FOXN3: variants seen among roughly 807,000 people sequenced by gnomAD.
FOXN3 encodes forkhead box N3.
In FOXN3, 7 loss-of-function variants were observed where a neutral mutation model predicts 38.4. The observed-to-expected ratio is 0.18, with a 90% confidence interval of 0.10 to 0.34. FOXN3 has a LOEUF of 0.34. FOXN3 is among the 10% of genes least tolerant of loss of function. The pLI is 1.00. For missense variants in FOXN3, 456 were observed against 613.4 expected (o/e 0.74, Z 2.71); for synonymous variants, 230 against 242.2 (o/e 0.95, Z 0.47).
At position 89,530,080 on chromosome 14, in the gene FOXN3, C is replaced by A. The variant is rs532609550; in HGVS notation, c.-15+88948G>T. ...TCAGCCTCCTGAGTAGCTAGGATTA[C>A]AGGTGTGTGCCACCACGCCTGGCTA... On this transcript the variant is annotated intron_variant, in intron 1 of 6. Coordinates refer to the FOXN3 transcript ENST00000345097. 7.4e-4 allele frequency among the ~76,000 whole-genome samples: 112 copies of A among 152,048 alleles called. 1 individual carries two copies. The highest frequency in any genetic ancestry group is 2.6e-3 in the African/African-American group (107 of 41,484).
intron 4 of FOXN3, among the ~76,000 whole-genome samples, chr14:89,250,024 A>G (rs1948260365): frequency 6.6e-6 from 1 of 152,236 alleles, no homozygotes; most frequent in Non-Finnish European, 1.5e-5. Flanking sequence ...TGGCCTGCAA[A>G]GTCTATTAGA....
chr14:89,176,362 G>GA (rs35367142), intron 5 of FOXN3, among the ~76,000 whole-genome samples: 27,384 of 151,620 alleles, frequency 0.18, 2,901 homozygotes, highest in Admixed American at 0.24. Context: ...CTCTGTGGAG[G>GA]AAAAAAAAAT....
At chr14:89,393,013 G>A (rs1462924599) in intron 2 of FOXN3, among the ~76,000 whole-genome samples, 1 of 152,050 alleles carries the variant, frequency 6.6e-6, no homozygotes, top group Admixed American at 6.5e-5. Context: ...CACCATATTG[G>A]CCAGACTGGT....
At chr14:89,605,321 T>C (rs979701959) in intron 1 of FOXN3, among the ~76,000 whole-genome samples, 2 of 152,144 alleles carry the variant, frequency 1.3e-5, no homozygotes, top group Non-Finnish European at 2.9e-5. Flanking sequence ...TTGATAAGTA[T>C]GCATGTTAAA....
intron 1 of FOXN3, among the ~76,000 whole-genome samples, chr14:89,540,585 A>C (rs1298658562): frequency 6.6e-6 from 1 of 152,036 alleles, no homozygotes; most frequent in Non-Finnish European, 1.5e-5. Context: ...ATACAAAAAA[A>C]AAATTTAGCC....
At chr14:89,357,700 T>C (rs527300952) in intron 2 of FOXN3, among the ~76,000 whole-genome samples, 4 of 152,308 alleles carry the variant, frequency 2.6e-5, no homozygotes, top group African/African-American at 9.6e-5. Context: ...GTAATTGATA[T>C]TCAGTAATGG....
At chr14:89,471,691 A>C (rs539349307) in intron 1 of FOXN3, among the ~76,000 whole-genome samples, 1 of 152,318 alleles carries the variant, frequency 6.6e-6, no homozygotes, top group African/African-American at 2.4e-5. Flanking sequence ...GGCCATTTAT[A>C]AATGCTTCAG....
At chr14:89,299,217 G>C (rs1196622023) in intron 3 of FOXN3, among the ~76,000 whole-genome samples, 1 of 152,198 alleles carries the variant, frequency 6.6e-6, no homozygotes, top group Non-Finnish European at 1.5e-5. Flanking sequence ...GGTGGGGCCA[G>C]GTGGAGAGAT....
chr14:89,374,581 C>T (rs1395092218), intron 2 of FOXN3, among the ~76,000 whole-genome samples: 1 of 152,138 alleles, frequency 6.6e-6, no homozygotes, highest in African/African-American at 2.4e-5. Context: ...AAATGGAATA[C>T]TACTCAACAA....
chr14:89,552,233 G>T (rs956341444), intron 1 of FOXN3, among the ~76,000 whole-genome samples: 8 of 152,196 alleles, frequency 5.3e-5, no homozygotes, highest in Non-Finnish European at 1.2e-4. Flanking sequence ...GTTGTTTTGT[G>T]AAGGATATAA....
chr14:89,507,717 G>A (rs1166374522), intron 1 of FOXN3, among the ~76,000 whole-genome samples: 1 of 151,900 alleles, frequency 6.6e-6, no homozygotes. Context: ...AGAGGCATTT[G>A]CCACTACCTG....
At chr14:89,241,418 A>G (rs539854227) in intron 4 of FOXN3, among the ~76,000 whole-genome samples, 4 of 152,044 alleles carry the variant, frequency 2.6e-5, no homozygotes, top group Non-Finnish European at 4.4e-5. Flanking sequence ...TTCAACCCAA[A>G]GCCACCATGG....
chr14:89,595,534 T>C (rs911739359), intron 1 of FOXN3, among the ~76,000 whole-genome samples: 2 of 152,254 alleles, frequency 1.3e-5, no homozygotes, highest in African/African-American at 4.8e-5. Context: ...ACTTTTTTCA[T>C]ATTTACTTCA....
chr14:89,206,658 A>G (rs1370051945), intron 4 of FOXN3, among the ~76,000 whole-genome samples: 1 of 152,100 alleles, frequency 6.6e-6, no homozygotes, highest in African/African-American at 2.4e-5. Context: ...TGAAAACCAT[A>G]TTTCATCTTT....
In FOXN3 at chr14:89,463,931, C is replaced by T. The variant is rs993690532; in HGVS notation, c.-14-51441G>A. On this transcript the variant is annotated intron_variant, in intron 1 of 6. Transcript: ENST00000345097. ...TCCCAGGTAGCTGGGATTACAGGCA[C>T]ATGCCACCACACCCAGTGAATTTTG... Among the ~76,000 whole-genome samples the T allele has an allele frequency of 2.7e-5, 4 of 150,794 alleles. No homozygotes were observed. In the East Asian group the frequency reaches 7.7e-4, roughly 29 times the overall value.
chr14:89,528,374 A>ATTTTTTT (rs1280882695), intron 1 of FOXN3, among the ~76,000 whole-genome samples: 5 of 62,202 alleles, frequency 8.0e-5, no homozygotes, highest in Non-Finnish European at 1.2e-4. Flanking sequence ...ACATGGATGA[A>ATTTTTTT]TCTTTTTTTT....
chr14:89,273,175 C>T (rs1886202877), intron 4 of FOXN3, among the ~76,000 whole-genome samples: 1 of 152,226 alleles, frequency 6.6e-6, no homozygotes, highest in Admixed American at 6.5e-5. Context: ...TCCTGCAAAG[C>T]TCATCTATGC....
chr14:89,200,090 A>G lies in FOXN3; in HGVS notation c.746-19284T>C, dbSNP rs138621984. On this transcript the variant is annotated intron_variant, in intron 4 of 5. Coordinates refer to ENST00000557258, the MANE Select transcript of FOXN3 (RefSeq NM_005197.4). ...AAGGGATAAGAACAGATGAAAACAAACAAACAAACAAACACACACATCTCC... is the reference window on the plus strand; with the variant it reads ...AAGGGATAAGAACAGATGAAAACAAGCAAACAAACAAACACACACATCTCC... Among the ~76,000 whole-genome samples the G allele has an allele frequency of 1.5e-3, 221 of 152,264 alleles. 2 individuals are homozygous for G. The highest frequency in any genetic ancestry group is 5.1e-3 in the African/African-American group (212 of 41,544).
chr14:89,339,865 A>G (rs527608324), intron 3 of FOXN3, among the ~76,000 whole-genome samples: 2 of 152,072 alleles, frequency 1.3e-5, no homozygotes, highest in South Asian at 4.2e-4. Flanking sequence ...CCAGGCCAGA[A>G]CCCCCACCTC....
Sources: gnomAD v4.1 joint callset for allele counts (sites outside exome capture counted in the v4.1 genomes callset) on GRCh38, gnomAD v4.1.1 for gene constraint, MANE v1.5 for transcripts, NCBI Gene and HGNC (gene_info 2026-07-23, HGNC 2026-07-21) for gene names.